The following B4GALNT2 variants were observed in gnomAD, a reference collection of about 807,000 sequenced individuals.
The protein encoded by B4GALNT2 is N-acetylneuraminylgalactosylglucosyl-glucoside beta-1,4-N- acetylgalactosaminyltransferase 2.
B4GALNT2 carries 42 observed loss-of-function variants against 51.1 expected under a neutral mutation model. The ratio of observed to expected loss-of-function variants is 0.82; its 90% confidence interval spans 0.64 to 1.06. B4GALNT2 has a LOEUF of 1.06. Ranked by LOEUF, B4GALNT2 falls within the 50% of genes least tolerant of loss-of-function variation. The pLI is 0.00. For missense variants in B4GALNT2, 602 were observed against 633.6 expected (o/e 0.95, Z 0.54); for synonymous variants, 253 against 251.7 (o/e 1.01, Z -0.05).
intron 1 of B4GALNT2, among the ~76,000 whole-genome samples, chr17:49,137,406 C>T (rs573094290): frequency 6.6e-6 from 1 of 152,280 alleles, no homozygotes; most frequent in East Asian, 1.9e-4. Context: ...ATTCAGCCCC[C>T]TCTTGCTGTG....
chr17:49,164,206 T>A lies in B4GALNT2; in HGVS notation c.885T>A (p.Ala295=). ...EYYPDLTVIV[A]DDSQKPLEIK... is the part of the protein sequence containing the mutation. ...ACCCAGACTTGACCGTAATAGTGGC[T>A]GATGACAGCCAGAAGCCCCTGGAAA... Residue 295 remains alanine, a synonymous_variant, in exon 8 of 11, where the codon GCT becomes GCA. Transcript: ENST00000393354. 6.2e-7 allele frequency: 1 copy of A among 1,613,798 alleles called. No individual in the cohort carries two copies. The highest frequency in any genetic ancestry group is 1.3e-5 in the African/African-American group (1 of 75,026).
At chr17:49,139,774 C>T (rs2042623055) in intron 1 of B4GALNT2, among the ~76,000 whole-genome samples, 1 of 152,106 alleles carries the variant, frequency 6.6e-6, no homozygotes, top group Admixed American at 6.6e-5. Context: ...CCTAGGTCTC[C>T]CAAAGTGCTC....
the B4GALNT2 span, among the ~76,000 whole-genome samples, chr17:49,125,407 G>A: frequency 2.0e-5 from 3 of 152,108 alleles, no homozygotes; most frequent in Non-Finnish European, 4.4e-5. Flanking sequence ...TGATCCTCCC[G>A]ACTTGGCCTC....
intron 1 of B4GALNT2, among the ~76,000 whole-genome samples, chr17:49,138,684 C>T (rs1012125776): frequency 5.3e-5 from 8 of 152,182 alleles, no homozygotes; most frequent in Admixed American, 4.6e-4. Context: ...TGAGACCAGC[C>T]TGGCCAACAT....
intron 4 of B4GALNT2, among the ~76,000 whole-genome samples, chr17:49,154,280 C>T (rs2042787085): frequency 6.6e-6 from 1 of 152,162 alleles, no homozygotes; most frequent in Non-Finnish European, 1.5e-5. Flanking sequence ...GGATTACAGG[C>T]ATGAGCCACT....
At chr17:49,136,526 A>G (rs898726621) in intron 1 of B4GALNT2, among the ~76,000 whole-genome samples, 6 of 94,778 alleles carry the variant, frequency 6.3e-5, no homozygotes, top group African/African-American at 2.5e-4. Flanking sequence ...GAGTTTATTT[A>G]TTTATTTATT....
intron 3 of B4GALNT2, among the ~76,000 whole-genome samples, chr17:49,144,458 C>T (rs1227196410): frequency 6.6e-6 from 1 of 152,198 alleles, no homozygotes; most frequent in Non-Finnish European, 1.5e-5. Context: ...CCCTGGTGCA[C>T]CTAGCTATGT....
chr17:49,169,450 C>A, intron 10 of B4GALNT2, 73 bp from the exon 11 acceptor site: 1 of 1,435,796 alleles, frequency 7.0e-7, no homozygotes, highest in Non-Finnish European at 9.7e-7. Context: ...GGACTCTCCC[C>A]CACCAGACCT....
rs1324912878 is a variant in B4GALNT2 at position 49,175,915 on chromosome 17, AT to A, written c.*6190del. 1 of 152,060 alleles carries A rather than the reference AT, an allele frequency of 6.6e-6. No individual in the cohort carries two copies. The highest frequency in any genetic ancestry group is 1.5e-5 in the Non-Finnish European group (1 of 68,018). 9.4% of individuals were successfully genotyped at this position (152,060 alleles called of 1,614,324 possible). The stretch of plus-strand genomic sequence containing the variant: ...AAGAGTAGGGACAAACCTCTTCCTC[AT>A]TTGCCGCTTTAGCTTCAGCCAGCAA... On this transcript the variant is annotated 3_prime_UTR_variant, in exon 11 of 11. Coordinates refer to ENST00000393354, the MANE Select transcript of B4GALNT2 (RefSeq NM_001159387.2).
At chr17:49,164,500 ATTTT>A (rs3086766) in intron 8 of B4GALNT2, among the ~76,000 whole-genome samples, 4 of 114,990 alleles carry the variant, frequency 3.5e-5, no homozygotes, top group African/African-American at 9.8e-5. Flanking sequence ...ACCTTTCCTC[ATTTT>A]TTTTTTTTTT....
chr17:49,168,788 T>A lies in B4GALNT2; in HGVS notation c.1203T>A (p.Asp401Glu). 2 of 1,614,086 alleles carry A rather than the reference T, an allele frequency of 1.2e-6. No individual in the cohort carries two copies. The highest frequency in any genetic ancestry group is 1.7e-6 in the Non-Finnish European group (2 of 1,180,012). Residue 401 changes from aspartate to glutamate, a missense_variant, in exon 10 of 11, where the codon GAT becomes GAA. Coordinates refer to ENST00000393354, the MANE Select transcript of B4GALNT2 (RefSeq NM_001159387.2). ...HKRMGFFQPL[D>E]GFPSCVVTSG... ...GGATGGGATTTTTCCAACCCCTGGATGGCTTCCCCAGCTGCGTGGTGACCA... is the reference window on the plus strand; with the variant it reads ...GGATGGGATTTTTCCAACCCCTGGAAGGCTTCCCCAGCTGCGTGGTGACCA...
chr17:49,155,375 G>A (rs1022756769), intron 4 of B4GALNT2, among the ~76,000 whole-genome samples: 1 of 149,654 alleles, frequency 6.7e-6, no homozygotes, highest in African/African-American at 2.5e-5. Flanking sequence ...GGCTGAGGCT[G>A]TTGGATCATT....
intron 3 of B4GALNT2, 93 bp from the exon 4 acceptor site, chr17:49,152,707 C>A: frequency 1.2e-6 from 1 of 847,248 alleles, no homozygotes. Context: ...TCCATATTGT[C>A]AGGGCAAGGC....
intron 4 of B4GALNT2, 81 bp downstream of exon 4, chr17:49,152,987 T>A: frequency 7.9e-7 from 1 of 1,269,814 alleles, no homozygotes; most frequent in Non-Finnish European, 1.1e-6. Flanking sequence ...TCGGGTGCAG[T>A]GGCTCATGCC....
chr17:49,131,482 A>G, upstream of B4GALNT2, among the ~76,000 whole-genome samples: 1 of 112,586 alleles, frequency 8.9e-6, no homozygotes, highest in African/African-American at 3.3e-5. Context: ...AAAAAAAAAA[A>G]AAAAAGCACT....
chr17:49,162,089 A>ACC (rs1351644779), intron 7 of B4GALNT2, among the ~76,000 whole-genome samples: 1 of 151,778 alleles, frequency 6.6e-6, no homozygotes, highest in Non-Finnish European at 1.5e-5. Context: ...CCGGGCTCAC[A>ACC]CCATTCTCCT....
chr17:49,162,828 G>T (rs572012187), intron 7 of B4GALNT2, among the ~76,000 whole-genome samples: 3 of 140,910 alleles, frequency 2.1e-5, no homozygotes, highest in Non-Finnish European at 4.5e-5. Flanking sequence ...CAGGAGAATC[G>T]CTTGAACCTG....
upstream of B4GALNT2, among the ~76,000 whole-genome samples, chr17:49,127,732 C>T (rs2042517900): frequency 6.6e-6 from 1 of 152,086 alleles, no homozygotes; most frequent in Non-Finnish European, 1.5e-5. Context: ...AATAAACAAG[C>T]ATAGCTGGAA....
At chr17:49,149,396 A>G (rs1367659980) in intron 3 of B4GALNT2, among the ~76,000 whole-genome samples, 1 of 152,124 alleles carries the variant, frequency 6.6e-6, no homozygotes, top group African/African-American at 2.4e-5. Flanking sequence ...CTGTAATCCC[A>G]ACACTTTGGG....
Sources: gnomAD v4.1 joint callset for allele counts (sites outside exome capture counted in the v4.1 genomes callset) on GRCh38, gnomAD v4.1.1 for gene constraint, MANE v1.5 for transcripts, NCBI Gene and HGNC (gene_info 2026-07-23, HGNC 2026-07-21) for gene names.